The following MYT1L variants were observed in gnomAD, a reference collection of about 807,000 sequenced individuals.
The protein encoded by MYT1L is myelin transcription factor 1-like protein.
In MYT1L, 12 loss-of-function variants were observed where a neutral mutation model predicts 126.7. The observed-to-expected ratio is 0.09, with a 90% CI of 0.06 to 0.15. The LOEUF is 0.15. MYT1L is among the 10% of genes least tolerant of loss of function. The pLI, the probability that MYT1L is intolerant of heterozygous loss-of-function variation, is 1.00. For synonymous variants in MYT1L, 541 were observed against 604.2 expected (o/e 0.90, Z 1.53); for missense variants, 979 against 1,585.2 (o/e 0.62, Z 6.49).
chr2:1,836,000 T>C (rs1217598174), intron 21 of MYT1L, among the ~76,000 whole-genome samples: 1 of 152,118 alleles, frequency 6.6e-6, no homozygotes. Flanking sequence ...ATTTCCATCA[T>C]GCCTGGACTT....
chr2:2,225,690 G>T (rs1003049213), intron 2 of MYT1L, among the ~76,000 whole-genome samples: 10 of 152,270 alleles, frequency 6.6e-5, no homozygotes, highest in African/African-American at 2.4e-4. Context: ...GCCGGGGCGG[G>T]GGTGGGGGCA....
At chr2:2,105,251 T>C (rs1343741475) in intron 3 of MYT1L, among the ~76,000 whole-genome samples, 1 of 152,176 alleles carries the variant, frequency 6.6e-6, no homozygotes, top group Non-Finnish European at 1.5e-5. Context: ...ACCCCCTCTC[T>C]GTGCTCCGTG....
At chr2:2,301,720 A>T (rs779030731) in intron 1 of MYT1L, among the ~76,000 whole-genome samples, 2 of 151,400 alleles carry the variant, frequency 1.3e-5, no homozygotes, top group African/African-American at 4.9e-5. Flanking sequence ...AGTCCCAGCT[A>T]CTCAGGAGGC....
intron 2 of MYT1L, among the ~76,000 whole-genome samples, chr2:2,243,772 G>A (rs917830349): frequency 1.3e-5 from 2 of 152,132 alleles, no homozygotes; most frequent in African/African-American, 2.4e-5. Context: ...TGGGAGCTGC[G>A]AGCAAAGTAG....
intron 18 of MYT1L, among the ~76,000 whole-genome samples, chr2:1,884,482 G>C (rs1233462785): frequency 6.6e-6 from 1 of 152,184 alleles, no homozygotes; most frequent in Non-Finnish European, 1.5e-5. Flanking sequence ...CAGATAAAAG[G>C]GGTCACCAAT....
chr2:2,255,637 C>T (rs538820081), intron 2 of MYT1L, among the ~76,000 whole-genome samples: 2 of 152,256 alleles, frequency 1.3e-5, no homozygotes, highest in East Asian at 3.9e-4. Flanking sequence ...AAAACATTTA[C>T]AGAATGAAGG....
intron 18 of MYT1L, among the ~76,000 whole-genome samples, chr2:1,853,718 C>T (rs1173984323): frequency 2.0e-5 from 3 of 152,168 alleles, no homozygotes; most frequent in Non-Finnish European, 4.4e-5. Context: ...AATTCAAGTA[C>T]ATAGTGCATG....
intron 8 of MYT1L, among the ~76,000 whole-genome samples, chr2:1,949,714 G>C (rs1415687058): frequency 6.6e-6 from 1 of 152,178 alleles, no homozygotes; most frequent in Non-Finnish European, 1.5e-5. Flanking sequence ...CCCAACTGCT[G>C]TTATCACCGC....
intron 8 of MYT1L, among the ~76,000 whole-genome samples, chr2:1,946,546 T>TA (rs1234170860): frequency 6.6e-6 from 1 of 152,068 alleles, no homozygotes; most frequent in African/African-American, 2.4e-5. Context: ...TGCCACTTTT[T>TA]AAGTCTGTAA....
chr2:1,856,471 C>T (rs572007297), intron 18 of MYT1L, among the ~76,000 whole-genome samples: 61 of 152,300 alleles, frequency 4.0e-4, no homozygotes, highest in African/African-American at 1.4e-3. Flanking sequence ...GCAGCTGGGA[C>T]GCTCACCAAC....
intron 3 of MYT1L, among the ~76,000 whole-genome samples, chr2:2,118,685 C>T (rs1474939385): frequency 6.6e-6 from 1 of 152,118 alleles, no homozygotes; most frequent in African/African-American, 2.4e-5. Flanking sequence ...TTAAATAATT[C>T]CAGTCATTTT....
At chr2:1,909,675 C>T in intron 13 of MYT1L, among the ~76,000 whole-genome samples, 1 of 152,176 alleles carries the variant, frequency 6.6e-6, no homozygotes, top group Non-Finnish European at 1.5e-5. Context: ...TCGGGTCAGT[C>T]ATTTAACCTC....
At chr2:2,008,641 A>C (rs1169900870) in intron 4 of MYT1L, among the ~76,000 whole-genome samples, 1 of 151,726 alleles carries the variant, frequency 6.6e-6, no homozygotes, top group Non-Finnish European at 1.5e-5. Context: ...CTGCTTTTTC[A>C]TTGTGATATT....
At chr2:2,148,696 C>T (rs1467002828) in intron 3 of MYT1L, among the ~76,000 whole-genome samples, 1 of 152,178 alleles carries the variant, frequency 6.6e-6, no homozygotes, top group Non-Finnish European at 1.5e-5. Flanking sequence ...GAACAGACAT[C>T]TCACAGAAAT....
At chr2:1,897,607 C>T (rs749350853) in intron 14 of MYT1L, among the ~76,000 whole-genome samples, 25 of 152,088 alleles carry the variant, frequency 1.6e-4, no homozygotes, top group Non-Finnish European at 2.6e-4. Flanking sequence ...GGATTACAGG[C>T]GCCCACGACC....
At chr2:1,817,553 C>T (rs1003908661) in intron 21 of MYT1L, among the ~76,000 whole-genome samples, 9 of 152,052 alleles carry the variant, frequency 5.9e-5, no homozygotes, top group Admixed American at 3.3e-4. Context: ...TGCATTCTGT[C>T]CAAACGCGGC....
intron 23 of MYT1L, among the ~76,000 whole-genome samples, chr2:1,798,499 C>G (rs1391097901): frequency 1.3e-5 from 2 of 152,182 alleles, no homozygotes; most frequent in African/African-American, 4.8e-5. Context: ...TATCTCATGG[C>G]TTGGGCTTGG....
intron 3 of MYT1L, among the ~76,000 whole-genome samples, chr2:2,166,604 A>G (rs1197811744): frequency 6.6e-6 from 1 of 152,186 alleles, no homozygotes; most frequent in Admixed American, 6.5e-5. Flanking sequence ...TCTACCTAAA[A>G]CAAAGGGCCA....
At chr2:2,212,225 C>A (rs1020437591) in intron 2 of MYT1L, among the ~76,000 whole-genome samples, 1 of 123,562 alleles carries the variant, frequency 8.1e-6, no homozygotes, top group African/African-American at 3.2e-5. Context: ...GAAATATGGG[C>A]ATTTAACTTT....
Sources: allele counts gnomAD v4.1 joint callset (sites outside exome capture counted in the v4.1 genomes callset), GRCh38; gene constraint gnomAD v4.1.1; transcripts MANE v1.5; gene names NCBI Gene and HGNC (gene_info 2026-07-23, HGNC 2026-07-21).